The following DOCK3 variants were observed in gnomAD, a reference collection of about 807,000 sequenced individuals.
The protein encoded by DOCK3 is dedicator of cytokinesis 3.
DOCK3 carries 60 observed loss-of-function variants against 265.6 expected under a neutral mutation model. That is an observed-to-expected ratio of 0.23 (90% CI 0.18 to 0.28). DOCK3 has a LOEUF of 0.28. DOCK3 is among the 10% of genes least tolerant of loss of function. The pLI, the probability that DOCK3 is intolerant of heterozygous loss-of-function variation, is 1.00. For missense variants in DOCK3, 1,981 were observed against 2,594.3 expected (o/e 0.76, Z 5.14); for synonymous variants, 881 against 938.0 (o/e 0.94, Z 1.11).
chr3:51,118,699 T>A, intron 9 of DOCK3, among the ~76,000 whole-genome samples: 1 of 152,248 alleles, frequency 6.6e-6, no homozygotes, highest in Non-Finnish European at 1.5e-5. Flanking sequence ...ATTGATCCCT[T>A]TACCATTATG....
chr3:51,018,982 T>C (rs1261925211), intron 5 of DOCK3, among the ~76,000 whole-genome samples: 1 of 151,862 alleles, frequency 6.6e-6, no homozygotes, highest in Non-Finnish European at 1.5e-5. Flanking sequence ...GGTGTCTTTT[T>C]TTGGAGGGGT....
chr3:51,359,540 C>T lies in DOCK3; in HGVS notation c.4885-971C>T, dbSNP rs552908950. ...TCCACTACCTCTCATTCCAGGGTCTCCTGCCTGTTTGACTGGTCTCTGCTG... is the reference window on the plus strand; with the variant it reads ...TCCACTACCTCTCATTCCAGGGTCTTCTGCCTGTTTGACTGGTCTCTGCTG... On this transcript the variant is annotated intron_variant, in intron 46 of 52. Coordinates refer to ENST00000266037, the MANE Select transcript of DOCK3 (RefSeq NM_004947.5). This position sits in a 1 kb window ranked among gnomAD's most constrained non-coding sequence, Gnocchi z 4.8. Among the ~76,000 whole-genome samples the T allele has an allele frequency of 6.6e-6, 1 of 152,314 alleles. No homozygotes were observed. The highest frequency in any genetic ancestry group is 2.1e-4 in the South Asian group (1 of 4,828).
intron 31 of DOCK3, among the ~76,000 whole-genome samples, chr3:51,314,776 C>T (rs1029874254): frequency 3.3e-5 from 5 of 152,074 alleles, no homozygotes; most frequent in Non-Finnish European, 5.9e-5. Flanking sequence ...GTGACAGTTG[C>T]GCATTTGCTT....
intron 3 of DOCK3, among the ~76,000 whole-genome samples, chr3:50,852,215 A>G (rs956988442): frequency 2.0e-5 from 3 of 152,148 alleles, no homozygotes; most frequent in Non-Finnish European, 2.9e-5. Flanking sequence ...GTGGATTTGT[A>G]TTTTCCTTCT....
At chr3:50,884,802 T>C (rs2048243366) in intron 3 of DOCK3, among the ~76,000 whole-genome samples, 1 of 152,128 alleles carries the variant, frequency 6.6e-6, no homozygotes, top group Admixed American at 6.6e-5. Context: ...TACAGGGTTT[T>C]CCTCCCCGCC....
At chr3:51,246,464 T>C (rs2078848387) in intron 21 of DOCK3, among the ~76,000 whole-genome samples, 1 of 152,110 alleles carries the variant, frequency 6.6e-6, no homozygotes, top group Non-Finnish European at 1.5e-5. Context: ...GAAACTTTCT[T>C]GTAATCAAAA....
In DOCK3 at chr3:51,005,843, A is replaced by G. The variant is rs538001335; in HGVS notation, c.316-58605A>G. On this transcript the variant is annotated intron_variant, in intron 5 of 52. Coordinates refer to ENST00000266037, the MANE Select transcript of DOCK3 (RefSeq NM_004947.5). ...CTAACATCCAGAGAAATGTTCCAGAATGAAACACCAGATGTCATTCTTTTG... is the reference window on the plus strand; with the variant it reads ...CTAACATCCAGAGAAATGTTCCAGAGTGAAACACCAGATGTCATTCTTTTG... 3.9e-5 allele frequency among the ~76,000 whole-genome samples: 6 copies of G among 152,258 alleles called. No homozygotes were observed. The South Asian group carries it at 1.0e-3, about 26-fold the overall frequency.
chr3:51,278,306 A>T, intron 26 of DOCK3: 1 of 985,398 alleles, frequency 1.0e-6, no homozygotes. Flanking sequence ...ACAAACTGGG[A>T]AGGCTTCTCA....
chr3:51,236,350 G>A lies in DOCK3; in HGVS notation c.1923G>A (p.Leu641=). 1.2e-6 allele frequency: 2 copies of A among 1,613,304 alleles called. No individual in the cohort carries two copies. Among genetic ancestry groups the A allele is most frequent in the East Asian group, 4.5e-5 (2 of 44,866 alleles). Residue 641 remains leucine (L), a synonymous_variant, in exon 20 of 53, where the codon CTG becomes CTA. Transcript: ENST00000266037. ...HVSGEEIVKF[L]QDILDTLFVI... is the part of the protein sequence containing the mutation. Reference sequence around the variant, plus strand: ...TGCTTTTTATGTTGTTTTAGTTTCTGCAGGACATCTTAGATACACTCTTTG... The same window carrying A: ...TGCTTTTTATGTTGTTTTAGTTTCTACAGGACATCTTAGATACACTCTTTG...
chr3:51,302,237 C>T lies in DOCK3; in HGVS notation c.2923-7995C>T, dbSNP rs2082397931. On this transcript the variant is annotated intron_variant, in intron 27 of 52. Coordinates refer to ENST00000266037, the MANE Select transcript of DOCK3 (RefSeq NM_004947.5). Reference sequence around the variant, plus strand: ...GGTTTAAAGTCTGTTTTGTCAGAAACTAGGATTGCAACCCCTGCTTTTTTC... The same window carrying T: ...GGTTTAAAGTCTGTTTTGTCAGAAATTAGGATTGCAACCCCTGCTTTTTTC... 1.3e-5 allele frequency among the ~76,000 whole-genome samples: 2 copies of T among 152,124 alleles called. 1 individual carries two copies. Among genetic ancestry groups the T allele is most frequent in the South Asian group, 4.1e-4 (2 of 4,830 alleles).
intron 23 of DOCK3, among the ~76,000 whole-genome samples, chr3:51,268,460 A>G (rs577555075): frequency 3.9e-5 from 6 of 152,372 alleles, no homozygotes; most frequent in East Asian, 1.9e-4. Flanking sequence ...CAGAATTTTT[A>G]TGTAATAGTG....
intron 27 of DOCK3, among the ~76,000 whole-genome samples, chr3:51,303,285 T>G (rs372481207): frequency 2.0e-5 from 3 of 152,350 alleles, no homozygotes; most frequent in South Asian, 4.1e-4. Flanking sequence ...CTCTCTAAAC[T>G]GGCTCTTCTG....
chr3:50,855,970 G>A (rs1474719748), intron 3 of DOCK3, among the ~76,000 whole-genome samples: 1 of 152,136 alleles, frequency 6.6e-6, no homozygotes, highest in Non-Finnish European at 1.5e-5. Context: ...GTTTGCTGAG[G>A]ATAACAGCTT....
At chr3:51,260,105 TC>T in intron 22 of DOCK3, 50 bp from the exon 23 acceptor site, 1 of 1,568,314 alleles carries the variant, frequency 6.4e-7, no homozygotes, top group Non-Finnish European at 8.7e-7. Flanking sequence ...CTATGTGAGT[TC>T]CTGAGCATCT....
chr3:51,268,481 C>G (rs925536156), intron 23 of DOCK3, among the ~76,000 whole-genome samples: 5 of 152,144 alleles, frequency 3.3e-5, no homozygotes, highest in African/African-American at 1.2e-4. Context: ...TATAGTTCTT[C>G]AACTTTTTGA....
chr3:50,799,595 A>G (rs1349046822), intron 2 of DOCK3, among the ~76,000 whole-genome samples: 1 of 152,172 alleles, frequency 6.6e-6, no homozygotes, highest in African/African-American at 2.4e-5. Context: ...TATCAGTTCT[A>G]AGAGTATTTT....
intron 5 of DOCK3, among the ~76,000 whole-genome samples, chr3:51,043,224 G>T (rs561742118): frequency 1.4e-4 from 21 of 152,282 alleles, no homozygotes; most frequent in African/African-American, 5.1e-4. Flanking sequence ...CATGGTACTG[G>T]TACAAGAACA....
At chr3:51,285,139 C>G (rs936942200) in intron 27 of DOCK3, among the ~76,000 whole-genome samples, 1 of 152,258 alleles carries the variant, frequency 6.6e-6, no homozygotes, top group Non-Finnish European at 1.5e-5. Flanking sequence ...AAAACAGAGA[C>G]AGCAGTCTGG....
intron 27 of DOCK3, among the ~76,000 whole-genome samples, chr3:51,305,731 T>C (rs201576504): frequency 7.4e-4 from 105 of 141,936 alleles, no homozygotes; most frequent in African/African-American, 2.4e-3. Flanking sequence ...TGTGTGTGTG[T>C]GCGCGTGTGT....
Sources: allele counts gnomAD v4.1 joint callset (sites outside exome capture counted in the v4.1 genomes callset), GRCh38; gene constraint gnomAD v4.1.1; non-coding constraint Gnocchi (gnomAD v3.1); transcripts MANE v1.5; gene names NCBI Gene and HGNC (gene_info 2026-07-23, HGNC 2026-07-21).